ZNF264: variants seen among roughly 807,000 people sequenced by gnomAD.
ZNF264 encodes zinc finger protein 264.
A neutral mutation model predicts 11.2 loss-of-function variants in ZNF264; 11 were observed. That is an observed-to-expected ratio of 0.98 (90% CI 0.62 to 1.63). ZNF264 has a LOEUF of 1.63. Ranked by LOEUF, ZNF264 falls within the 40% of genes most tolerant of loss-of-function variation. ZNF264 has a pLI of 0.00. For synonymous variants in ZNF264, 309 were observed against 279.8 expected (o/e 1.10, Z -1.04); for missense variants, 752 against 768.1 (o/e 0.98, Z 0.25).
In ZNF264 at chr19:57,219,686, A is replaced by G. The variant is rs1230976473; in HGVS notation, c.*6705A>G. ...CTCTTAAACATTTTTGTTTCCCAGA[A>G]TCCATCATTGGCCATTGCTTTTTCA... On this transcript the variant is annotated 3_prime_UTR_variant, in exon 4 of 4. Transcript: ENST00000263095. 6.6e-6 allele frequency: 1 copy of G among 152,244 alleles called. No homozygotes were observed. The highest frequency in any genetic ancestry group is 6.5e-5 in the Admixed American group (1 of 15,284). The allele number at this position is 152,244 out of a possible 1,614,324, so 9.4% of individuals were successfully genotyped here.
At chr19:57,193,788 A>T in intron 1 of ZNF264, 87 bp from the exon 2 acceptor site, 5 of 1,551,942 alleles carry the variant, frequency 3.2e-6, no homozygotes, top group Non-Finnish European at 4.4e-6. Context: ...GGCCGCCATC[A>T]CTGTACACCT....
rs1273088289 is a variant in ZNF264, at chr19:57,217,362, C to T, written c.*4381C>T. On this transcript the variant is annotated 3_prime_UTR_variant, in exon 4 of 4. Coordinates refer to ENST00000263095, the MANE Select transcript of ZNF264 (RefSeq NM_003417.5). ...TTAGCTTACCTACTAATGTAACTAT[C>T]TTAAGTAATAGTAATTCCTCTTCAA... 6.6e-6 allele frequency: 1 copy of T among 152,170 alleles called. No individual in the cohort carries two copies. Among genetic ancestry groups the T allele is most frequent in the East Asian group, 1.9e-4 (1 of 5,196 alleles). The allele number at this position is 152,170 out of a possible 1,614,324, so 9.4% of individuals were successfully genotyped here. A position where few individuals can be genotyped will look rare whatever the true frequency, so the allele number is the denominator to read the frequency against.
At position 57,215,463 on chromosome 19, in the gene ZNF264, T is replaced by G. The variant is rs2087373540; in HGVS notation, c.*2482T>G. On this transcript the variant is annotated 3_prime_UTR_variant, in exon 4 of 4. Coordinates refer to ENST00000263095, the MANE Select transcript of ZNF264 (RefSeq NM_003417.5). The stretch of plus-strand genomic sequence containing the variant: ...TGCGCATCATGCTGAAAGATGTAAT[T>G]TTTGCTTCATCTCTCACTTCAGAGA... 6.6e-6 allele frequency: 1 copy of G among 152,202 alleles called. No homozygotes were observed. The highest frequency in any genetic ancestry group is 1.5e-5 in the Non-Finnish European group (1 of 68,038). 9.4% of individuals were successfully genotyped at this position (152,202 alleles called of 1,614,324 possible).
At chr19:57,194,407 G>A (rs1295528384) in intron 2 of ZNF264, among the ~76,000 whole-genome samples, 1 of 152,126 alleles carries the variant, frequency 6.6e-6, no homozygotes, top group Non-Finnish European at 1.5e-5. Flanking sequence ...TGGCCACCTG[G>A]ATTAGGGTTC....
intron 2 of ZNF264, among the ~76,000 whole-genome samples, chr19:57,201,955 T>TA (rs1179035830): frequency 2.6e-5 from 4 of 151,790 alleles, no homozygotes; most frequent in African/African-American, 9.7e-5. Context: ...CTCATGCCTG[T>TA]AGTCCCAGCA....
intron 3 of ZNF264, 65 bp from the exon 4 acceptor site, chr19:57,211,289 G>T: frequency 7.1e-7 from 1 of 1,402,760 alleles, no homozygotes; most frequent in Admixed American, 2.5e-5. Context: ...CACAGAAATG[G>T]TAATATTCTT....
intron 3 of ZNF264, among the ~76,000 whole-genome samples, chr19:57,209,285 C>T (rs1046582553): frequency 5.3e-5 from 8 of 151,906 alleles, no homozygotes; most frequent in African/African-American, 1.7e-4. Context: ...TAAAACTTGG[C>T]ATTTGACATT....
chr19:57,199,971 C>T lies in ZNF264; in HGVS notation c.161-5426C>T, dbSNP rs545240392. 1.9e-4 allele frequency among the ~76,000 whole-genome samples: 28 copies of T among 148,352 alleles called. 1 individual carries two copies. The highest frequency in any genetic ancestry group is 3.1e-4 in the Non-Finnish European group (21 of 67,722). On this transcript the variant is annotated intron_variant, in intron 2 of 3. Coordinates refer to ENST00000263095, the MANE Select transcript of ZNF264 (RefSeq NM_003417.5). ...ACTATTGGGGATGCCATTTTCCTTT[C>T]TCTTTCTTCTGCCTATTAAACCTCC...
At position 57,194,578 on chromosome 19, in the gene ZNF264, C is replaced by T. The variant is rs555263965; in HGVS notation, c.160+577C>T. ...GCTGAAGAACTTGGTGTCCAATGTT[C>T]GAGGGCAGGAAGCATCCAGCATGGG... On this transcript the variant is annotated intron_variant, in intron 2 of 3. Coordinates refer to ENST00000263095, the MANE Select transcript of ZNF264 (RefSeq NM_003417.5). Among the ~76,000 whole-genome samples the T allele has an allele frequency of 3.9e-5, 6 of 152,300 alleles. No homozygotes were observed. The South Asian group carries it at 6.2e-4, about 16-fold the overall frequency.
Position 57,213,119 on chromosome 19 carries a change from T to C in ZNF264, c.*138T>C. On this transcript the variant is annotated 3_prime_UTR_variant, in exon 4 of 4. Transcript: ENST00000263095. Reference sequence around the variant, plus strand: ...GGTTATTGTGCACATAGGAGAACCTTCAGCTGCATCTTTCTCCTTAGTTTA... The same window carrying C: ...GGTTATTGTGCACATAGGAGAACCTCCAGCTGCATCTTTCTCCTTAGTTTA... The C allele has an allele frequency of 1.4e-6, 1 of 736,966 alleles. No homozygotes were observed. Among genetic ancestry groups the C allele is most frequent in the Non-Finnish European group, 2.1e-6 (1 of 483,650 alleles). 45.7% of individuals were successfully genotyped at this position (736,966 alleles called of 1,614,324 possible). A position where few individuals can be genotyped will look rare whatever the true frequency, so the allele number is the denominator to read the frequency against.
rs1343265117 is a variant in ZNF264, at chr19:57,213,719, A to G, written c.*738A>G. The G allele has an allele frequency of 6.6e-6, 1 of 152,218 alleles. No homozygotes were observed. The highest frequency in any genetic ancestry group is 2.4e-5 in the African/African-American group (1 of 41,470). The allele number at this position is 152,218 out of a possible 1,614,324, so 9.4% of individuals were successfully genotyped here. A position where few individuals can be genotyped will look rare whatever the true frequency, so the allele number is the denominator to read the frequency against. On this transcript the variant is annotated 3_prime_UTR_variant, in exon 4 of 4. Coordinates refer to ENST00000263095, the MANE Select transcript of ZNF264 (RefSeq NM_003417.5). ...GACATTCCATATAATTTTTAGGATT[A>G]GTTTGTACTTATTTACAAAACAGTC...
At chr19:57,193,768 CTG>C in intron 1 of ZNF264, 105 bp from the exon 2 acceptor site, 1 of 1,495,682 alleles carries the variant, frequency 6.7e-7, no homozygotes, top group Non-Finnish European at 9.1e-7. Context: ...AGGAGGTGCT[CTG>C]TGATTCAGGC....
At chr19:57,204,400 A>T (rs1227833208) in intron 2 of ZNF264, among the ~76,000 whole-genome samples, 1 of 152,072 alleles carries the variant, frequency 6.6e-6, no homozygotes. Context: ...AATTGTAATA[A>T]TCCCCATGTG....
chr19:57,204,151 G>C (rs1432028601), intron 2 of ZNF264, among the ~76,000 whole-genome samples: 1 of 150,718 alleles, frequency 6.6e-6, no homozygotes, highest in African/African-American at 2.4e-5. Flanking sequence ...GGGAGGCGGA[G>C]CTTGCAGTGA....
chr19:57,192,161 C>T (rs754997617), intron 1 of ZNF264, among the ~76,000 whole-genome samples: 26 of 152,108 alleles, frequency 1.7e-4, no homozygotes, highest in Non-Finnish European at 3.1e-4. Context: ...ATGATGCTTC[C>T]TCTGGGGACT....
Position 57,213,115 on chromosome 19 carries a change from A to C in ZNF264, c.*134A>C. ...CAGTGGTTATTGTGCACATAGGAGAACCTTCAGCTGCATCTTTCTCCTTAG... is the reference window on the plus strand; with the variant it reads ...CAGTGGTTATTGTGCACATAGGAGACCCTTCAGCTGCATCTTTCTCCTTAG... On this transcript the variant is annotated 3_prime_UTR_variant, in exon 4 of 4. Coordinates refer to ENST00000263095, the MANE Select transcript of ZNF264 (RefSeq NM_003417.5). The C allele has an allele frequency of 1.3e-6, 1 of 775,402 alleles. No individual in the cohort carries two copies. The allele number at this position is 775,402 out of a possible 1,614,324, so 48.0% of individuals were successfully genotyped here.
rs367578542 is a variant in ZNF264, at chr19:57,194,011, T to C, written c.160+10T>C. ...CTCCTGGTGTCTCTGGGTAAGGCCTTCCTTCCCCCTCCACCATGCAGGTGA... is the reference window on the plus strand; with the variant it reads ...CTCCTGGTGTCTCTGGGTAAGGCCTCCCTTCCCCCTCCACCATGCAGGTGA... On this transcript the variant is annotated intron_variant, in intron 2 of 3. Transcript: ENST00000263095. The C allele has an allele frequency of 3.8e-6, 6 of 1,597,982 alleles. No homozygotes were observed. The highest frequency in any genetic ancestry group is 4.3e-6 in the Non-Finnish European group (5 of 1,171,564).
At chr19:57,205,588 G>A (rs2087286285) in intron 3 of ZNF264, 96 bp downstream of exon 3, 2 of 1,093,226 alleles carry the variant, frequency 1.8e-6, no homozygotes, top group African/African-American at 1.6e-5. Flanking sequence ...TTCTCATTGT[G>A]GCCTCTCTCT....
chr19:57,202,156 G>A (rs2087257885), intron 2 of ZNF264, among the ~76,000 whole-genome samples: 2 of 151,812 alleles, frequency 1.3e-5, no homozygotes, highest in Non-Finnish European at 2.9e-5. Flanking sequence ...GCTGCAGTGA[G>A]CCATGATCAC....
Sources: gnomAD v4.1 joint callset for allele counts (sites outside exome capture counted in the v4.1 genomes callset) on GRCh38, gnomAD v4.1.1 for gene constraint, MANE v1.5 for transcripts, NCBI Gene and HGNC (gene_info 2026-07-23, HGNC 2026-07-21) for gene names.